Variants in IL36G observed in about 807,000 individuals in gnomAD.
The protein encoded by IL36G is interleukin 36 gamma.
In IL36G, 10 loss-of-function variants were observed where a neutral mutation model predicts 13.5. The observed-to-expected ratio is 0.74, with a 90% CI of 0.46 to 1.26. IL36G has a LOEUF of 1.26. Among genes scored for constraint, IL36G ranks in the 50% most tolerant of loss-of-function variants. The pLI, the probability that IL36G is intolerant of heterozygous loss-of-function variation, is 0.00. For missense variants in IL36G, 199 were observed against 203.0 expected (o/e 0.98, Z 0.12); for synonymous variants, 84 against 74.0 (o/e 1.13, Z -0.69).
In IL36G at chr2:112,985,201, A is replaced by G; in HGVS notation, c.*152A>G. The G allele has an allele frequency of 3.2e-6, 2 of 620,802 alleles. No homozygotes were observed. Among genetic ancestry groups the G allele is most frequent in the South Asian group, 4.0e-5 (2 of 50,286 alleles). 38.5% of individuals were successfully genotyped at this position (620,802 alleles called of 1,614,324 possible). A position where few individuals can be genotyped will look rare whatever the true frequency, so the allele number is the denominator to read the frequency against. ...TCTCATTTTATAATGAAGAAGAAGCAATTACTTCATAGCAACTGAAGAACA... is the reference window on the plus strand; with the variant it reads ...TCTCATTTTATAATGAAGAAGAAGCGATTACTTCATAGCAACTGAAGAACA... On this transcript the variant is annotated 3_prime_UTR_variant, in exon 5 of 5. Transcript: ENST00000259205.
At chr2:112,981,360 C>A in intron 4 of IL36G, 1 of 754,050 alleles carries the variant, frequency 1.3e-6, no homozygotes. Flanking sequence ...GACAACTTTG[C>A]GGGCCTTCTC....
chr2:112,984,699 A>G (rs1224706700), intron 4 of IL36G, 141 bp from the exon 5 acceptor site: 1 of 685,886 alleles, frequency 1.5e-6, no homozygotes, highest in Non-Finnish European at 2.5e-6. Flanking sequence ...CTCCTTCAAA[A>G]TGTGTGTTTC....
chr2:112,979,890 G>T (rs989249384), intron 3 of IL36G, 119 bp from the exon 4 acceptor site: 2 of 931,996 alleles, frequency 2.1e-6, no homozygotes, highest in African/African-American at 3.3e-5. Flanking sequence ...GGTGGGTCTA[G>T]TTGGGATTAC....
At chr2:112,982,002 A>T (rs1277749485) in intron 4 of IL36G, among the ~76,000 whole-genome samples, 1 of 152,194 alleles carries the variant, frequency 6.6e-6, no homozygotes, top group Non-Finnish European at 1.5e-5. Context: ...GATGCTTGAG[A>T]TATAGCTGTG....
intron 4 of IL36G, among the ~76,000 whole-genome samples, chr2:112,982,325 G>A (rs977877104): frequency 2.6e-5 from 4 of 152,314 alleles, no homozygotes; most frequent in East Asian, 1.9e-4. Context: ...AGTGAGGACC[G>A]GTGTGCAGGA....
chr2:112,984,501 G>T (rs1028258055), intron 4 of IL36G, among the ~76,000 whole-genome samples: 1 of 152,170 alleles, frequency 6.6e-6, no homozygotes, highest in Non-Finnish European at 1.5e-5. Flanking sequence ...GTATTGGTAA[G>T]GGAGGTAATT....
intron 2 of IL36G, 51 bp downstream of exon 2, chr2:112,978,744 C>A: frequency 6.5e-7 from 1 of 1,538,078 alleles, no homozygotes; most frequent in Non-Finnish European, 9.0e-7. Context: ...GCCCTCTGCA[C>A]TCACGCTATC....
At chr2:112,983,010 G>A (rs1018437136) in intron 4 of IL36G, among the ~76,000 whole-genome samples, 4 of 152,204 alleles carry the variant, frequency 2.6e-5, no homozygotes, top group Admixed American at 2.0e-4. Context: ...TGACTAAGAA[G>A]AGCAAGCAAA....
chr2:112,978,611 C>T lies in IL36G; in HGVS notation c.-19-9C>T. 1 of 1,610,466 alleles carries T rather than the reference C, an allele frequency of 6.2e-7. No homozygotes were observed. On this transcript the variant is annotated splice_polypyrimidine_tract_variant and intron_variant, in intron 1 of 4. Coordinates refer to ENST00000259205, the MANE Select transcript of IL36G (RefSeq NM_019618.4). The stretch of plus-strand genomic sequence containing the variant: ...TTGTGGTTCATCTGTTCTATGTCTG[C>T]TTTCACAGGTGCTGAGACAACCACA...
At position 112,984,876 on chromosome 2, in the gene IL36G, C is replaced by A. The variant is rs760990416; in HGVS notation, c.337C>A (p.Pro113Thr). The A allele has an allele frequency of 2.0e-5, 33 of 1,614,138 alleles. No homozygotes were observed. Among genetic ancestry groups the A allele is most frequent in the African/African-American group, 2.7e-5 (2 of 75,026 alleles). ...KIMDLYGQPE[P>T]VKPFLFYRAK... is the part of the protein sequence containing the mutation. ...CATGGATCTGTATGGCCAACCCGAG[C>A]CCGTGAAACCCTTCCTTTTCTACCG... is the stretch of plus-strand genomic sequence containing the variant. The change falls in exon 5 of 5, where the codon CCC becomes ACC. Residue 113 changes from proline to threonine, a missense_variant. Pro to Thr is a conservative substitution (Grantham distance 38). Transcript: ENST00000259205.
At chr2:112,979,851 G>A (rs1485715967) in intron 3 of IL36G, among the ~76,000 whole-genome samples, 158 bp from the exon 4 acceptor site, 5 of 152,076 alleles carry the variant, frequency 3.3e-5, no homozygotes, top group South Asian at 2.1e-4. Context: ...ATGAATGAAT[G>A]AATGAATGAA....
At chr2:112,983,390 T>C (rs1458301292) in intron 4 of IL36G, among the ~76,000 whole-genome samples, 3 of 152,220 alleles carry the variant, frequency 2.0e-5, no homozygotes, top group Non-Finnish European at 4.4e-5. Flanking sequence ...ACGCTAAGTT[T>C]AGATAGCAGT....
chr2:112,982,827 C>T (rs1378081137), intron 4 of IL36G, among the ~76,000 whole-genome samples: 1 of 151,918 alleles, frequency 6.6e-6, no homozygotes, highest in Non-Finnish European at 1.5e-5. Flanking sequence ...GGGGCAAAAG[C>T]CTGGATGGAG....
Position 112,979,259 on chromosome 2 carries a change from C to A in IL36G, c.94C>A (p.Gln32Lys). ...PITGTINDLN[Q>K]QVWTLQGQNL... ...TACTGGGACTATTAATGATTTGAAT[C>A]AGCAAGTGTGGACCCTTCAGGGTCA... Residue 32 changes from glutamine to lysine, a missense_variant, in exon 3 of 5, where the codon CAG becomes AAG. By Grantham distance (53) the Gln-to-Lys change is moderately conservative. Transcript: ENST00000259205. 1 of 1,613,064 alleles carries A rather than the reference C, an allele frequency of 6.2e-7. No individual in the cohort carries two copies. Among genetic ancestry groups the A allele is most frequent in the Non-Finnish European group, 8.5e-7 (1 of 1,178,996 alleles).
In IL36G at chr2:112,984,270, C is replaced by T. The variant is rs369566051; in HGVS notation, c.301-570C>T. On this transcript the variant is annotated intron_variant, in intron 4 of 4. Coordinates refer to ENST00000259205, the MANE Select transcript of IL36G (RefSeq NM_019618.4). ...ATGTACATACAAATATATAGACATA[C>T]AGAATATAGTTCCATATACAATATA... is the stretch of plus-strand genomic sequence containing the variant. 2.2e-4 allele frequency among the ~76,000 whole-genome samples: 33 copies of T among 152,332 alleles called. No individual in the cohort carries two copies. The South Asian group carries it at 6.6e-3, about 31-fold the overall frequency.
In IL36G at chr2:112,978,061, A is replaced by G. The variant is rs1331984859; in HGVS notation, c.-37A>G. Reference sequence around the variant, plus strand: ...GATTCAGTCCCCTGGACTGTAGATAAAGACCCTTTCTTGCCAGGTATAGTC... The same window carrying G: ...GATTCAGTCCCCTGGACTGTAGATAGAGACCCTTTCTTGCCAGGTATAGTC... On this transcript the variant is annotated 5_prime_UTR_variant, in exon 1 of 5. Transcript: ENST00000259205. 1 of 156,642 alleles carries G rather than the reference A, an allele frequency of 6.4e-6. No individual in the cohort carries two copies. Among genetic ancestry groups the G allele is most frequent in the East Asian group, 1.9e-4 (1 of 5,372 alleles). 9.7% of individuals were successfully genotyped at this position (156,642 alleles called of 1,614,324 possible). A position where few individuals can be genotyped will look rare whatever the true frequency, so the allele number is the denominator to read the frequency against.
In IL36G at chr2:112,980,161, GA is replaced by G; in HGVS notation, c.300+18del. 5 of 1,604,862 alleles carry G rather than the reference GA, an allele frequency of 3.1e-6. No individual in the cohort carries two copies. Among genetic ancestry groups the G allele is most frequent in the South Asian group, 1.1e-5 (1 of 88,940 alleles). On this transcript the variant is annotated intron_variant, in intron 4 of 4. Coordinates refer to ENST00000259205, the MANE Select transcript of IL36G (RefSeq NM_019618.4). ...ATTGCAGCTAAAAGTGAGTAGCTAA[GA>G]AAAATATTTAAAAAGCCTTTCCTTT...
At chr2:112,981,829 TC>T (rs1684267102) in intron 4 of IL36G, among the ~76,000 whole-genome samples, 1 of 152,244 alleles carries the variant, frequency 6.6e-6, no homozygotes, top group African/African-American at 2.4e-5. Context: ...GAAATTTCAA[TC>T]TTTACTCTTT....
Position 112,980,153 on chromosome 2 carries a change from G to A in IL36G, c.300+5G>A, listed in dbSNP as rs1253792811. 2 of 1,608,658 alleles carry A rather than the reference G, an allele frequency of 1.2e-6. No homozygotes were observed. Among genetic ancestry groups the A allele is most frequent in the Admixed American group, 3.4e-5 (2 of 58,842 alleles). ...CAGCCCACATTGCAGCTAAAAGTGA[G>A]TAGCTAAGAAAAATATTTAAAAAGC... On this transcript the variant is annotated splice_donor_5th_base_variant and intron_variant, in intron 4 of 4. Transcript: ENST00000259205.
Sources: allele counts gnomAD v4.1 joint callset (sites outside exome capture counted in the v4.1 genomes callset), GRCh38; gene constraint gnomAD v4.1.1; transcripts MANE v1.5; gene names NCBI Gene and HGNC (gene_info 2026-07-23, HGNC 2026-07-21).